The following ZBTB20 variants were observed in gnomAD, a reference collection of about 807,000 sequenced individuals.
ZBTB20 encodes the protein zinc finger and BTB domain containing 20.
Under a neutral mutation model 56.9 loss-of-function variants are expected in ZBTB20, and 9 were observed. The observed-to-expected ratio is 0.16, with a 90% CI of 0.10 to 0.28. The LOEUF is 0.28. ZBTB20 is among the 10% of genes least tolerant of loss of function. The probability of loss-of-function intolerance (pLI) is 1.00; values close to 1 mark genes in which losing one functional copy is unlikely to be tolerated. For missense variants in ZBTB20, 655 were observed against 1,003.0 expected (o/e 0.65, Z 4.69); for synonymous variants, 417 against 420.7 (o/e 0.99, Z 0.11).
chr3:115,047,942 C>T (rs956618758), intron 2 of ZBTB20, among the ~76,000 whole-genome samples: 1 of 152,024 alleles, frequency 6.6e-6, no homozygotes, highest in Non-Finnish European at 1.5e-5. Context: ...ATTTTCTGGC[C>T]GGGCGCGGTG....
chr3:114,390,404 TG>T (rs945626290), intron 7 of ZBTB20, among the ~76,000 whole-genome samples: 2 of 152,260 alleles, frequency 1.3e-5, no homozygotes, highest in African/African-American at 4.8e-5. Context: ...CCCATTGATC[TG>T]GGCATGTTCT....
chr3:114,763,582 G>T (rs956297650), intron 5 of ZBTB20, among the ~76,000 whole-genome samples: 1 of 151,952 alleles, frequency 6.6e-6, no homozygotes, highest in African/African-American at 2.4e-5. Flanking sequence ...ACCTTAAATA[G>T]CATATATAGT....
chr3:114,994,176 CTAAA>C (rs1021835971), intron 2 of ZBTB20, among the ~76,000 whole-genome samples: 2 of 151,698 alleles, frequency 1.3e-5, no homozygotes, highest in African/African-American at 4.8e-5. Flanking sequence ...TACTAAACAA[CTAAA>C]TGGCAATCAA....
chr3:115,088,528 A>G (rs1186866850), intron 1 of ZBTB20, among the ~76,000 whole-genome samples: 3 of 151,878 alleles, frequency 2.0e-5, no homozygotes, highest in Non-Finnish European at 2.9e-5. Context: ...ACTAAAGGAT[A>G]TATTTTAGAG....
At chr3:114,343,672 A>G (rs2079965140) in intron 11 of ZBTB20, among the ~76,000 whole-genome samples, 1 of 152,218 alleles carries the variant, frequency 6.6e-6, no homozygotes. Flanking sequence ...CATATTAACA[A>G]TGGAAGTACA....
Position 114,415,977 on chromosome 3 carries a change from T to C in ZBTB20, c.-254-26872A>G, listed in dbSNP as rs528334839. On this transcript the variant is annotated intron_variant, in intron 7 of 11. Coordinates refer to ENST00000675478, the MANE Select transcript of ZBTB20 (RefSeq NM_001348800.3). The stretch of plus-strand genomic sequence containing the variant: ...CTCATCAAATCCCTACAACATTCAG[T>C]TGGGATATGAAAATTACAGATATTT... Among the ~76,000 whole-genome samples, 13 of 152,196 alleles carry C rather than the reference T, an allele frequency of 8.5e-5. No individual in the cohort carries two copies. In the South Asian group the frequency reaches 1.2e-3, roughly 15 times the overall value.
At chr3:114,993,072 A>T (rs2078884882) in intron 2 of ZBTB20, among the ~76,000 whole-genome samples, 1 of 152,026 alleles carries the variant, frequency 6.6e-6, no homozygotes, top group Non-Finnish European at 1.5e-5. Context: ...TCAATTCAAC[A>T]TCTACCTATT....
chr3:114,981,474 C>T (rs2078324612), intron 2 of ZBTB20, among the ~76,000 whole-genome samples: 1 of 151,984 alleles, frequency 6.6e-6, no homozygotes, highest in Non-Finnish European at 1.5e-5. Flanking sequence ...TTAGAAGTGA[C>T]AGCAATTTTC....
rs2056315687 is a variant in ZBTB20 at position 114,596,393 on chromosome 3, T to A, written c.-294-96002A>T. On this transcript the variant is annotated intron_variant, in intron 6 of 11. Transcript: ENST00000675478. ...ATACTGCTTTTTGAAGATTCCTATT[T>A]TTATACGTAATGGGAAACATGACAT... is the stretch of plus-strand genomic sequence containing the variant. Among the ~76,000 whole-genome samples, 3 of 152,216 alleles carry A rather than the reference T, an allele frequency of 2.0e-5. No individual in the cohort carries two copies. In the South Asian group the frequency reaches 6.2e-4, roughly 32 times the overall value.
chr3:114,431,785 T>C (rs145321499), intron 7 of ZBTB20, among the ~76,000 whole-genome samples: 2,243 of 152,290 alleles, frequency 0.015, 25 homozygotes, highest in Non-Finnish European at 0.025. Context: ...AAAAACAGCA[T>C]TGACAGCTAC....
chr3:114,479,348 C>T (rs1188075105), intron 7 of ZBTB20, among the ~76,000 whole-genome samples: 2 of 152,154 alleles, frequency 1.3e-5, no homozygotes, highest in African/African-American at 2.4e-5. Context: ...TTCTCTTAAA[C>T]CTGACCTCTT....
At position 115,139,983 on chromosome 3, in the gene ZBTB20, T is replaced by G. The variant is rs2084765447; in HGVS notation, c.-703+7236A>C. The stretch of plus-strand genomic sequence containing the variant: ...TTAAAATTAAACTTTTATAAAAGAC[T>G]AAAAGTGGAAAGCAAAGTCAAGTAT... On this transcript the variant is annotated intron_variant, in intron 1 of 11. Transcript: ENST00000675478. 2.6e-5 allele frequency among the ~76,000 whole-genome samples: 4 copies of G among 152,072 alleles called. No homozygotes were observed. In the South Asian group the frequency reaches 8.3e-4, roughly 31 times the overall value.
chr3:115,100,427 G>GGA lies in ZBTB20; in HGVS notation c.-702-29015_-702-29014dup, dbSNP rs141039928. On this transcript the variant is annotated intron_variant, in intron 1 of 11. Transcript: ENST00000675478. ...GCAAGCGAGTAAGAGAGAGAGAAGA[G>GGA]GAGAGAGAGAGAGAGAGAAAGAAAA... 3.5e-4 allele frequency: 52 copies of GGA among 149,816 alleles called. No homozygotes were observed. The South Asian group carries it at 4.5e-3, about 13-fold the overall frequency. 9.3% of individuals were successfully genotyped at this position (149,816 alleles called of 1,614,324 possible). A position where few individuals can be genotyped will look rare whatever the true frequency, so the allele number is the denominator to read the frequency against.
At position 114,857,922 on chromosome 3, in the gene ZBTB20, A is replaced by C. The variant is rs550672770; in HGVS notation, c.-417+42382T>G. On this transcript the variant is annotated intron_variant, in intron 4 of 11. Coordinates refer to ENST00000675478, the MANE Select transcript of ZBTB20 (RefSeq NM_001348800.3). ...CAATCCCTTTGTTCCACTTAAAAAT[A>C]AAATCGGATTCCTCTTGCTGGCCAC... Among the ~76,000 whole-genome samples, 3 of 152,310 alleles carry C rather than the reference A, an allele frequency of 2.0e-5. No individual in the cohort carries two copies. The South Asian group carries it at 6.2e-4, about 32-fold the overall frequency.
intron 6 of ZBTB20, among the ~76,000 whole-genome samples, chr3:114,553,330 A>C (rs1452625588): frequency 2.0e-5 from 3 of 152,202 alleles, no homozygotes; most frequent in African/African-American, 7.2e-5. Flanking sequence ...TAGAAAAAAT[A>C]TAATAATTGA....
At chr3:114,668,947 T>C (rs1578246345) in intron 6 of ZBTB20, among the ~76,000 whole-genome samples, 1 of 152,016 alleles carries the variant, frequency 6.6e-6, no homozygotes, top group African/African-American at 2.4e-5. Context: ...CAGATTTTTC[T>C]ATACTCCATT....
At chr3:114,707,460 A>T (rs571910207) in intron 5 of ZBTB20, among the ~76,000 whole-genome samples, 2 of 152,332 alleles carry the variant, frequency 1.3e-5, no homozygotes, top group African/African-American at 4.8e-5. Context: ...GCCCAGGTAC[A>T]CTGGCAACCT....
intron 7 of ZBTB20, among the ~76,000 whole-genome samples, chr3:114,402,545 T>C (rs2086913666): frequency 6.6e-6 from 1 of 152,132 alleles, no homozygotes; most frequent in African/African-American, 2.4e-5. Context: ...GGGGATGAAT[T>C]CTAGGTTTTC....
intron 6 of ZBTB20, among the ~76,000 whole-genome samples, chr3:114,686,411 T>C (rs2062347003): frequency 6.6e-6 from 1 of 152,238 alleles, no homozygotes; most frequent in Non-Finnish European, 1.5e-5. Flanking sequence ...AGAGATGCTG[T>C]GCAGGAAACA....
Sources: allele counts gnomAD v4.1 joint callset (sites outside exome capture counted in the v4.1 genomes callset), GRCh38; gene constraint gnomAD v4.1.1; transcripts MANE v1.5; gene names NCBI Gene and HGNC (gene_info 2026-07-23, HGNC 2026-07-21).